Variants in PPM1L observed in about 807,000 individuals in gnomAD.
The protein encoded by PPM1L is protein phosphatase 1L.
A neutral mutation model predicts 31.4 loss-of-function variants in PPM1L; 13 were observed. That is an observed-to-expected ratio of 0.41 (90% CI 0.27 to 0.66). The LOEUF (loss-of-function observed/expected upper bound fraction) is 0.66, where lower values mean the gene tolerates loss of function less well. Ranked by LOEUF, PPM1L falls within the 30% of genes least tolerant of loss-of-function variation. PPM1L has a pLI of 0.29. For synonymous variants in PPM1L, 184 were observed against 175.4 expected (o/e 1.05, Z -0.39); for missense variants, 326 against 453.7 (o/e 0.72, Z 2.56).
intron 1 of PPM1L, among the ~76,000 whole-genome samples, chr3:160,943,809 G>T (rs185516085): frequency 3.9e-5 from 6 of 152,134 alleles, no homozygotes; most frequent in Middle Eastern, 3.4e-3. Context: ...AAGAAAGCTT[G>T]GTTTGTTGTG....
chr3:160,975,494 C>G (rs556954265), intron 2 of PPM1L, among the ~76,000 whole-genome samples: 1 of 152,322 alleles, frequency 6.6e-6, no homozygotes, highest in South Asian at 2.1e-4. Flanking sequence ...ATTGAGTCTT[C>G]TGACCCATGA....
chr3:161,032,212 A>G (rs542096545), intron 2 of PPM1L, among the ~76,000 whole-genome samples: 53 of 152,306 alleles, frequency 3.5e-4, no homozygotes, highest in Admixed American at 9.2e-4. Context: ...CCTTCATTCT[A>G]TTCTGTTAGG....
At position 160,756,524 on chromosome 3, in the gene PPM1L, C is replaced by CG; in HGVS notation, c.222dup (p.Leu75AlafsTer2). On this transcript the variant is annotated frameshift_variant, in exon 1 of 4. Coordinates refer to ENST00000498165, the MANE Select transcript of PPM1L (RefSeq NM_139245.4). LOFTEE classifies it high-confidence loss of function. This position sits in a 1 kb window ranked among gnomAD's most constrained non-coding sequence, Gnocchi z 6.2. ...CCGAGATCATGCAGAACGATCGACT[C>CG]GGGGGGCTTGATGTGCTCGAGGCCG... 6.2e-7 allele frequency: 1 copy of CG among 1,614,082 alleles called. No homozygotes were observed. The highest frequency in any genetic ancestry group is 8.5e-7 in the Non-Finnish European group (1 of 1,180,000).
chr3:160,759,904 C>G (rs944140676), intron 1 of PPM1L, among the ~76,000 whole-genome samples: 3 of 152,090 alleles, frequency 2.0e-5, no homozygotes, highest in Non-Finnish European at 4.4e-5. Flanking sequence ...GATAATAATG[C>G]CTGTAAGGTG....
chr3:160,948,990 A>G (rs1198111964), intron 1 of PPM1L, among the ~76,000 whole-genome samples: 1 of 152,178 alleles, frequency 6.6e-6, no homozygotes, highest in Non-Finnish European at 1.5e-5. Context: ...GCAAACATTT[A>G]AAAAGTAGAT....
At chr3:160,767,205 G>A (rs894612093) in intron 1 of PPM1L, among the ~76,000 whole-genome samples, 1 of 151,688 alleles carries the variant, frequency 6.6e-6, no homozygotes, top group Non-Finnish European at 1.5e-5. Context: ...TGTATGAGCA[G>A]CTGACAGATG....
intron 2 of PPM1L, among the ~76,000 whole-genome samples, chr3:160,976,588 C>T (rs1477947138): frequency 1.3e-5 from 2 of 151,626 alleles, no homozygotes; most frequent in Non-Finnish European, 2.9e-5. Flanking sequence ...CAACTTCTTC[C>T]TGGTTTAGTC....
chr3:160,962,113 A>G (rs1280093435), intron 2 of PPM1L, among the ~76,000 whole-genome samples: 1 of 152,058 alleles, frequency 6.6e-6, no homozygotes, highest in African/African-American at 2.4e-5. Context: ...AAATGCCTTT[A>G]AAATTTTGCT....
chr3:160,880,814 T>A (rs1364727344), intron 1 of PPM1L, among the ~76,000 whole-genome samples: 1 of 152,160 alleles, frequency 6.6e-6, no homozygotes, highest in Non-Finnish European at 1.5e-5. Flanking sequence ...CAAGTTAGAA[T>A]CTCCTATTTC....
rs187184957 is a variant in PPM1L, at chr3:160,804,898, A to G, written c.399+48191A>G. Among the ~76,000 whole-genome samples, 136 of 152,298 alleles carry G rather than the reference A, an allele frequency of 8.9e-4. No homozygotes were observed. The Middle Eastern group carries it at 0.01, about 11-fold the overall frequency. On this transcript the variant is annotated intron_variant, in intron 1 of 3. Coordinates refer to ENST00000498165, the MANE Select transcript of PPM1L (RefSeq NM_139245.4). Reference sequence around the variant, plus strand: ...GTACTGATGACTGATCATCACATGTAAGGGATCTGCCTCCTTCCTCACGTT... The same window carrying G: ...GTACTGATGACTGATCATCACATGTGAGGGATCTGCCTCCTTCCTCACGTT...
chr3:160,967,065 T>C (rs1716173710), intron 2 of PPM1L, among the ~76,000 whole-genome samples: 1 of 151,882 alleles, frequency 6.6e-6, no homozygotes. Flanking sequence ...AATTGAATCA[T>C]GGGGGTGGGT....
At chr3:160,884,992 T>C (rs1030035433) in intron 1 of PPM1L, among the ~76,000 whole-genome samples, 3 of 152,160 alleles carry the variant, frequency 2.0e-5, no homozygotes, top group African/African-American at 4.8e-5. Context: ...TTGAAGTCAG[T>C]GTTCTTATTA....
At chr3:160,806,042 G>A (rs1712592394) in intron 1 of PPM1L, among the ~76,000 whole-genome samples, 2 of 152,138 alleles carry the variant, frequency 1.3e-5, no homozygotes, top group Admixed American at 6.5e-5. Context: ...ACCAACTGAT[G>A]TCTCACACTC....
chr3:160,930,105 CTCTT>C (rs1164748636), intron 1 of PPM1L, among the ~76,000 whole-genome samples: 1 of 152,156 alleles, frequency 6.6e-6, no homozygotes, highest in Non-Finnish European at 1.5e-5. Flanking sequence ...ATACTTTTGA[CTCTT>C]TCATTTTGAA....
At chr3:160,913,673 T>C (rs1576709344) in intron 1 of PPM1L, among the ~76,000 whole-genome samples, 1 of 152,184 alleles carries the variant, frequency 6.6e-6, no homozygotes, top group East Asian at 1.9e-4. Context: ...TATATCTGGC[T>C]TTTTGGGGGA....
At chr3:160,848,659 T>C (rs1033261956) in intron 1 of PPM1L, among the ~76,000 whole-genome samples, 2 of 152,212 alleles carry the variant, frequency 1.3e-5, no homozygotes, top group African/African-American at 4.8e-5. Flanking sequence ...AATCCTTAGA[T>C]TGGGGTCCTT....
intron 2 of PPM1L, among the ~76,000 whole-genome samples, chr3:161,034,242 T>G (rs1489305796): frequency 6.6e-6 from 1 of 152,172 alleles, no homozygotes; most frequent in Non-Finnish European, 1.5e-5. Flanking sequence ...ACACTGTTGG[T>G]GGGAGCGTAA....
chr3:160,935,544 G>A (rs1205824900), intron 1 of PPM1L, among the ~76,000 whole-genome samples: 1 of 152,172 alleles, frequency 6.6e-6, no homozygotes, highest in Non-Finnish European at 1.5e-5. Context: ...AAGTGAGATA[G>A]CATATGCTTA....
chr3:161,030,647 A>G lies in PPM1L; in HGVS notation c.575-34756A>G, dbSNP rs200167694. On this transcript the variant is annotated intron_variant, in intron 2 of 3. Transcript: ENST00000498165. ...TATTTCATCATTTAGAGGACTACCA[A>G]TTAGAGTCAGACTTCTAGATGGGCC... Among the ~76,000 whole-genome samples the G allele has an allele frequency of 2.0e-5, 3 of 152,188 alleles. No homozygotes were observed. In the South Asian group the frequency reaches 6.2e-4, roughly 31 times the overall value.
Sources: allele counts gnomAD v4.1 joint callset (sites outside exome capture counted in the v4.1 genomes callset), GRCh38; gene constraint gnomAD v4.1.1; non-coding constraint Gnocchi (gnomAD v3.1); transcripts MANE v1.5; gene names NCBI Gene and HGNC (gene_info 2026-07-23, HGNC 2026-07-21).